DNAH14: variants seen among roughly 807,000 people sequenced by gnomAD.
The protein encoded by DNAH14 is axonemal beta dynein heavy chain 14.
In DNAH14, 478 loss-of-function variants were observed where a neutral mutation model predicts 520.9. The ratio of observed to expected loss-of-function variants is 0.92; its 90% confidence interval spans 0.85 to 0.99. The LOEUF (loss-of-function observed/expected upper bound fraction) is 0.99. DNAH14 is among the 50% of genes least tolerant of loss of function. DNAH14 has a pLI of 0.00. For synonymous variants in DNAH14, 1,581 were observed against 1,757.2 expected, an observed-to-expected ratio of 0.90 and a Z score of 2.51; for missense variants, 4,831 against 5,234.5, an observed-to-expected ratio of 0.92 and a Z score of 2.38.
chr1:224,987,216 C>T (rs2062707225), intron 8 of DNAH14, among the ~76,000 whole-genome samples: 1 of 152,032 alleles, frequency 6.6e-6, no homozygotes, highest in African/African-American at 2.4e-5. Context: ...TAGTATAGTT[C>T]CCCTTCTAGT....
chr1:224,987,867 C>T (rs934106738), intron 8 of DNAH14, among the ~76,000 whole-genome samples: 3 of 152,120 alleles, frequency 2.0e-5, no homozygotes, highest in Non-Finnish European at 4.4e-5. Flanking sequence ...ACCTCATGAT[C>T]CACCTCCCTT....
intron 22 of DNAH14, among the ~76,000 whole-genome samples, chr1:225,098,810 G>A (rs1467015386): frequency 6.6e-6 from 1 of 152,180 alleles, no homozygotes; most frequent in South Asian, 2.1e-4. Flanking sequence ...AGAGTTCAAA[G>A]TGTCACTAAA....
At chr1:224,984,146 C>T (rs1029094056) in intron 8 of DNAH14, among the ~76,000 whole-genome samples, 1 of 152,106 alleles carries the variant, frequency 6.6e-6, no homozygotes, top group African/African-American at 2.4e-5. Context: ...CAAACTATAT[C>T]ACAAGGCCAT....
chr1:225,354,707 A>G (rs914578575), intron 73 of DNAH14, among the ~76,000 whole-genome samples: 2 of 152,100 alleles, frequency 1.3e-5, no homozygotes, highest in African/African-American at 4.8e-5. Flanking sequence ...ATCATCCTAA[A>G]TTCATCCTTA....
At chr1:225,194,792 T>C (rs1043289523) in intron 38 of DNAH14, among the ~76,000 whole-genome samples, 1 of 151,102 alleles carries the variant, frequency 6.6e-6, no homozygotes, top group East Asian at 1.9e-4. Context: ...ATATCTGGAA[T>C]CCATAAGAAA....
chr1:225,336,102 T>G (rs1318543882), intron 66 of DNAH14, among the ~76,000 whole-genome samples: 1 of 149,290 alleles, frequency 6.7e-6, no homozygotes, highest in Admixed American at 6.7e-5. Flanking sequence ...CTTATACATA[T>G]ATGTATAAGA....
chr1:224,957,651 T>C (rs1019186288), intron 3 of DNAH14, among the ~76,000 whole-genome samples: 2 of 152,070 alleles, frequency 1.3e-5, no homozygotes, highest in South Asian at 2.1e-4. Context: ...AGGAAACAAC[T>C]GTATCCAAAA....
In DNAH14 at chr1:225,354,021, G is replaced by C. The variant is rs1236316549; in HGVS notation, c.11619+133G>C. ...GTACATTTCGTGAACGTTAATAGGAGAGGGAAGCACCTACGCCTCCCCTTA... is the reference window on the plus strand; with the variant it reads ...GTACATTTCGTGAACGTTAATAGGACAGGGAAGCACCTACGCCTCCCCTTA... On this transcript the variant is annotated intron_variant, in intron 73 of 85. Transcript: ENST00000682510. The C allele has an allele frequency of 2.3e-5, 15 of 666,596 alleles. No individual in the cohort carries two copies. In the South Asian group the frequency reaches 2.7e-4, roughly 12 times the overall value. The allele number at this position is 666,596 out of a possible 1,614,324, so 41.3% of individuals were successfully genotyped here.
At chr1:225,335,639 A>G (rs2094970238) in intron 66 of DNAH14, among the ~76,000 whole-genome samples, 1 of 137,660 alleles carries the variant, frequency 7.3e-6, no homozygotes, top group Non-Finnish European at 1.6e-5. Context: ...ACATATGTGC[A>G]TATATGTATA....
chr1:224,935,491 T>C (rs1260375411), intron 1 of DNAH14, among the ~76,000 whole-genome samples: 4 of 151,886 alleles, frequency 2.6e-5, no homozygotes, highest in Non-Finnish European at 5.9e-5. Flanking sequence ...AAGGTCGTTA[T>C]ATAATGATAA....
In DNAH14 at chr1:225,232,428, A is replaced by C. The variant is rs1034532933; in HGVS notation, c.6518+1277A>C. Among the ~76,000 whole-genome samples, 1 of 152,162 alleles carries C rather than the reference A, an allele frequency of 6.6e-6. No homozygotes were observed. Among genetic ancestry groups the C allele is most frequent in the Non-Finnish European group, 1.5e-5 (1 of 68,016 alleles). On this transcript the variant is annotated intron_variant, in intron 42 of 85. Transcript: ENST00000682510. This position sits in a 1 kb window ranked among gnomAD's most constrained non-coding sequence, Gnocchi z 4.2. ...TATATGCAATAGTCAATCTTTTTAAAACATAATTTAAAATATTTATTTTCT... is the reference window on the plus strand; with the variant it reads ...TATATGCAATAGTCAATCTTTTTAACACATAATTTAAAATATTTATTTTCT...
At chr1:224,974,473 A>G (rs919089178) in intron 8 of DNAH14, among the ~76,000 whole-genome samples, 2 of 152,222 alleles carry the variant, frequency 1.3e-5, no homozygotes, top group Admixed American at 6.5e-5. Flanking sequence ...TAGGATCTCC[A>G]TCAGCCAAAT....
intron 41 of DNAH14, among the ~76,000 whole-genome samples, chr1:225,214,030 T>A (rs1048127581): frequency 6.6e-6 from 1 of 152,190 alleles, no homozygotes; most frequent in African/African-American, 2.4e-5. Context: ...TTGAGTATGA[T>A]ATTGGCTATG....
rs114099232 is a variant in DNAH14 at position 225,107,866 on chromosome 1, C to G, written c.3867+6982C>G. ...GAAGTGAGATGATATCTCATTGTCA[C>G]TTTGATTTGCATTTCCCTGATGATC... On this transcript the variant is annotated intron_variant, in intron 23 of 85. Coordinates refer to ENST00000682510, the MANE Select transcript of DNAH14 (RefSeq NM_001367479.1). Among the ~76,000 whole-genome samples, 587 of 152,234 alleles carry G rather than the reference C, an allele frequency of 3.9e-3. 5 individuals carry two copies. The highest frequency in any genetic ancestry group is 0.013 in the African/African-American group (555 of 41,562).
intron 78 of DNAH14, 34 bp downstream of exon 78, chr1:225,374,919 A>C: frequency 6.7e-7 from 1 of 1,490,516 alleles, no homozygotes; most frequent in Non-Finnish European, 9.0e-7. Flanking sequence ...GCATTTCTCG[A>C]TAATTTTAAA....
chr1:225,127,978 G>C (rs1443730820), intron 27 of DNAH14, among the ~76,000 whole-genome samples: 1 of 152,072 alleles, frequency 6.6e-6, no homozygotes, highest in African/African-American at 2.4e-5. Context: ...AACTTAGTTT[G>C]GCTGGATATG....
At chr1:225,022,161 C>G (rs945866605) in intron 10 of DNAH14, among the ~76,000 whole-genome samples, 2 of 152,192 alleles carry the variant, frequency 1.3e-5, no homozygotes, top group Middle Eastern at 3.4e-3. Flanking sequence ...AGAAGAAAAC[C>G]TAGGAAATAC....
intron 84 of DNAH14, chr1:225,396,971 G>T (rs910879319): frequency 5.3e-5 from 8 of 151,666 alleles, no homozygotes; most frequent in African/African-American, 1.7e-4. Flanking sequence ...AAGGGGAAGA[G>T]AAGTAAAAAG....
intron 46 of DNAH14, among the ~76,000 whole-genome samples, chr1:225,262,714 T>C (rs1422442525): frequency 8.5e-5 from 13 of 152,098 alleles, no homozygotes; most frequent in Non-Finnish European, 1.5e-5. Flanking sequence ...TGTCTACTTT[T>C]ATACCAGTAC....
Sources: gnomAD v4.1 joint callset for allele counts (sites outside exome capture counted in the v4.1 genomes callset) on GRCh38, gnomAD v4.1.1 for gene constraint, Gnocchi (gnomAD v3.1) non-coding constraint, MANE v1.5 for transcripts, NCBI Gene and HGNC (gene_info 2026-07-23, HGNC 2026-07-21) for gene names.